Variants in SHANK2 observed in about 807,000 individuals in gnomAD.
SHANK2 encodes SH3 and multiple ankyrin repeat domains 2.
SHANK2 carries 43 observed loss-of-function variants against 133.7 expected under a neutral mutation model. The ratio of observed to expected loss-of-function variants is 0.32; its 90% CI spans 0.25 to 0.41. The LOEUF (loss-of-function observed/expected upper bound fraction) is 0.41, where lower values mean the gene tolerates loss of function less well. SHANK2 is among the 10% of genes least tolerant of loss of function. The pLI, the probability that SHANK2 is intolerant of heterozygous loss-of-function variation, is 1.00. For missense variants in SHANK2, 1,994 were observed against 2,235.8 expected, an observed-to-expected ratio of 0.89 and a Z score of 2.18; for synonymous variants, 1,017 against 952.8, an observed-to-expected ratio of 1.07 and a Z score of -1.24.
At chr11:70,793,812 G>A (rs1478790187) in intron 14 of SHANK2, among the ~76,000 whole-genome samples, 1 of 152,104 alleles carries the variant, frequency 6.6e-6, no homozygotes. Flanking sequence ...CAACCCAGCA[G>A]TTTTCTACCT....
intron 6 of SHANK2, among the ~76,000 whole-genome samples, chr11:71,097,530 C>A (rs370716212): frequency 1.3e-5 from 2 of 152,220 alleles, no homozygotes; most frequent in African/African-American, 2.4e-5. Context: ...TCTCCCTCAA[C>A]GTGAACAACG....
intron 17 of SHANK2, among the ~76,000 whole-genome samples, chr11:70,588,722 G>A (rs2060284272): frequency 1.3e-5 from 2 of 152,252 alleles, no homozygotes; most frequent in South Asian, 4.1e-4. Flanking sequence ...AAAGTAGCAA[G>A]TCTTGATGGA....
At chr11:70,558,360 C>T (rs1279638916) in intron 17 of SHANK2, among the ~76,000 whole-genome samples, 1 of 152,246 alleles carries the variant, frequency 6.6e-6, no homozygotes, top group Non-Finnish European at 1.5e-5. Context: ...CCCCCTGCGT[C>T]AGCATCGGGC....
chr11:71,091,247 C>T (rs1482841329), intron 8 of SHANK2, among the ~76,000 whole-genome samples: 5 of 152,072 alleles, frequency 3.3e-5, no homozygotes, highest in Admixed American at 3.3e-4. Flanking sequence ...CTGCCATGAA[C>T]AGCCCCACAG....
intron 21 of SHANK2, among the ~76,000 whole-genome samples, chr11:70,497,387 G>C (rs978609950): frequency 6.6e-6 from 1 of 152,240 alleles, no homozygotes; most frequent in African/African-American, 2.4e-5. Flanking sequence ...GGGGATTAGT[G>C]AATCTGGCCC....
rs1555034362 is a variant in SHANK2, at chr11:70,739,928, G to A, written c.1778-41165C>T. 6.6e-6 allele frequency among the ~76,000 whole-genome samples: 1 copy of A among 152,236 alleles called. No homozygotes were observed. The highest frequency in any genetic ancestry group is 1.5e-5 in the Non-Finnish European group (1 of 68,040). ...ATGATCCCGAATCCTGGCATTCGGT[G>A]GCACGCAGGTAGGGCACAGAAGTCC... On this transcript the variant is annotated intron_variant, in intron 14 of 25. Transcript: ENST00000601538. This position sits in a 1 kb window ranked among gnomAD's most constrained non-coding sequence, Gnocchi z 4.3.
At chr11:71,238,423 T>C (rs1279348166) in intron 1 of SHANK2, among the ~76,000 whole-genome samples, 3 of 152,190 alleles carry the variant, frequency 2.0e-5, no homozygotes, top group Admixed American at 2.0e-4. Context: ...CTGAGATATG[T>C]TAGTACCCTC....
chr11:70,589,439 A>T (rs2060294152), intron 17 of SHANK2, among the ~76,000 whole-genome samples: 1 of 152,208 alleles, frequency 6.6e-6, no homozygotes, highest in African/African-American at 2.4e-5. Context: ...GAAAAAAGAG[A>T]TTCCATTCCA....
intron 4 of SHANK2, among the ~76,000 whole-genome samples, chr11:71,113,902 T>A (rs1457078833): frequency 2.0e-5 from 3 of 152,206 alleles, no homozygotes; most frequent in Non-Finnish European, 4.4e-5. Flanking sequence ...TCCTTTGAAC[T>A]GGAAATTACA....
At position 70,927,314 on chromosome 11, in the gene SHANK2, A is replaced by G. The variant is rs186979045; in HGVS notation, c.1108-30747T>C. Among the ~76,000 whole-genome samples the G allele has an allele frequency of 4.5e-3, 678 of 152,212 alleles. 1 individual carries two copies. Among genetic ancestry groups the G allele is most frequent in the Admixed American group, 7.7e-3 (118 of 15,288 alleles). ...AGATTCTGAACTCGATCTCCAGAAA[A>G]GATTTCACAATAAAATATTCCGTTT... On this transcript the variant is annotated intron_variant, in intron 10 of 25. Coordinates refer to ENST00000601538, the MANE Select transcript of SHANK2 (RefSeq NM_012309.5).
intron 17 of SHANK2, among the ~76,000 whole-genome samples, chr11:70,575,241 G>A (rs2060101199): frequency 6.6e-6 from 1 of 152,182 alleles, no homozygotes; most frequent in Non-Finnish European, 1.5e-5. Flanking sequence ...GCCGGATGTG[G>A]TAGTTCACGC....
chr11:70,681,174 C>T (rs1264950535), intron 15 of SHANK2, among the ~76,000 whole-genome samples: 1 of 152,156 alleles, frequency 6.6e-6, no homozygotes, highest in Non-Finnish European at 1.5e-5. Context: ...AAGCACACAG[C>T]GGCACCGGCT....
chr11:70,755,559 C>CCGGCCT (rs1445513994), intron 14 of SHANK2, among the ~76,000 whole-genome samples: 2 of 152,364 alleles, frequency 1.3e-5, no homozygotes, highest in East Asian at 1.9e-4. Flanking sequence ...AGCCCCGGCC[C>CCGGCCT]CGGCCTGCAG....
At chr11:71,183,809 C>T (rs1173795778) in intron 2 of SHANK2, among the ~76,000 whole-genome samples, 1 of 152,162 alleles carries the variant, frequency 6.6e-6, no homozygotes, top group African/African-American at 2.4e-5. Flanking sequence ...CAACCCCACC[C>T]GGTCTCATGG....
At chr11:70,787,205 A>T (rs1947681282) in intron 14 of SHANK2, among the ~76,000 whole-genome samples, 1 of 149,128 alleles carries the variant, frequency 6.7e-6, no homozygotes, top group African/African-American at 2.5e-5. Flanking sequence ...CACCAACATC[A>T]TCACCATGAC....
intron 15 of SHANK2, among the ~76,000 whole-genome samples, chr11:70,663,632 T>C (rs150997042): frequency 9.9e-4 from 150 of 152,240 alleles, no homozygotes; most frequent in African/African-American, 3.5e-3. Flanking sequence ...GTCACTCCCG[T>C]TGTCAGCAGC....
At chr11:71,071,385 T>A (rs1283645995) in intron 9 of SHANK2, among the ~76,000 whole-genome samples, 1 of 152,208 alleles carries the variant, frequency 6.6e-6, no homozygotes, top group East Asian at 1.9e-4. Context: ...TGCTCACAGC[T>A]CAGCTGAAAT....
In SHANK2 at chr11:70,644,001, A is replaced by G. The variant is rs188820528; in HGVS notation, c.2061+15827T>C. Among the ~76,000 whole-genome samples, 297 of 152,284 alleles carry G rather than the reference A, an allele frequency of 2.0e-3. 3 individuals are homozygous for G. The highest frequency in any genetic ancestry group is 6.7e-3 in the African/African-American group (278 of 41,556). The stretch of plus-strand genomic sequence containing the variant: ...TCTGCCCAGGGTCTCAGCTGACCCA[A>G]GGGTTTGTACGTGGCGGCGAGCAGG... On this transcript the variant is annotated intron_variant, in intron 17 of 25. Transcript: ENST00000601538.
intron 11 of SHANK2, among the ~76,000 whole-genome samples, chr11:70,881,287 T>C (rs1949655418): frequency 6.6e-6 from 1 of 152,106 alleles, no homozygotes; most frequent in Non-Finnish European, 1.5e-5. Context: ...GCTCAAGCAA[T>C]CCTCCAGTTT....
Sources: allele counts gnomAD v4.1 joint callset (sites outside exome capture counted in the v4.1 genomes callset), GRCh38; gene constraint gnomAD v4.1.1; non-coding constraint Gnocchi (gnomAD v3.1); transcripts MANE v1.5; gene names NCBI Gene and HGNC (gene_info 2026-07-23, HGNC 2026-07-21).